The following PKHD1 variants were observed in gnomAD, a reference collection of about 807,000 sequenced individuals.
PKHD1 encodes fibrocystin.
Under a neutral mutation model 412.0 loss-of-function variants are expected in PKHD1, and 291 were observed. That is an observed-to-expected ratio of 0.71 (90% CI 0.64 to 0.78). The LOEUF is 0.78. Ranked by LOEUF, PKHD1 falls within the 30% of genes least tolerant of loss-of-function variation. The pLI is 0.00. For missense variants in PKHD1, 4,825 were observed against 4,950.7 expected (o/e 0.97, Z 0.76); for synonymous variants, 1,777 against 1,821.5 (o/e 0.98, Z 0.62).
Position 51,669,414 on chromosome 6 carries a change from G to C in PKHD1, c.10157-9445C>G, listed in dbSNP as rs551471295. 1.2e-4 allele frequency among the ~76,000 whole-genome samples: 18 copies of C among 151,684 alleles called. No homozygotes were observed. In the East Asian group the frequency reaches 3.1e-3, roughly 26 times the overall value. ...GATATCCCCTTTATCATTTTTTATTGCTTCTATTTGATTCTTCTCTCTTTT... is the reference window on the plus strand; with the variant it reads ...GATATCCCCTTTATCATTTTTTATTCCTTCTATTTGATTCTTCTCTCTTTT... On this transcript the variant is annotated intron_variant, in intron 60 of 66. Coordinates refer to ENST00000371117, the MANE Select transcript of PKHD1 (RefSeq NM_138694.4).
intron 66 of PKHD1, chr6:51,622,254 T>C (rs1561973709): frequency 6.6e-6 from 1 of 152,234 alleles, no homozygotes; most frequent in Non-Finnish European, 1.5e-5. Flanking sequence ...TTTTAAAATT[T>C]GTGTGGGTAC....
chr6:51,764,778 T>C (rs1308282313), intron 55 of PKHD1, among the ~76,000 whole-genome samples: 1 of 152,038 alleles, frequency 6.6e-6, no homozygotes, highest in East Asian at 1.9e-4. Flanking sequence ...ACTCTCCACA[T>C]CAACCATCAT....
At position 52,079,903 on chromosome 6, in the gene PKHD1, GA is replaced by G. The variant is rs781679449; in HGVS notation, c.386del (p.Phe129SerfsTer24). On this transcript the variant is annotated frameshift_variant, in exon 5 of 67. Transcript: ENST00000371117. LOFTEE classifies it high-confidence loss of function. ...PNPGPRDSCT[F>X]KFSKAQTPIV... ...TTCCTCCAGCCTTAGAACCCACCTTGAAAGTACAGCTATCTCGTGGTCCTGG... is the reference window on the plus strand; with the variant it reads ...TTCCTCCAGCCTTAGAACCCACCTTGAAGTACAGCTATCTCGTGGTCCTGG... 2 of 1,561,866 alleles carry G rather than the reference GA, an allele frequency of 1.3e-6. No homozygotes were observed. Among genetic ancestry groups the G allele is most frequent in the Non-Finnish European group, 1.8e-6 (2 of 1,132,536 alleles).
chr6:51,729,932 T>A (rs2150882496), intron 60 of PKHD1, among the ~76,000 whole-genome samples: 1 of 152,324 alleles, frequency 6.6e-6, no homozygotes, highest in South Asian at 2.1e-4. Flanking sequence ...ATTGCACATC[T>A]GGTTAGTGGA....
At position 52,055,592 on chromosome 6, in the gene PKHD1, T is replaced by C. The variant is rs1170759787; in HGVS notation, c.1831A>G (p.Thr611Ala). The C allele has an allele frequency of 1.2e-6, 2 of 1,613,862 alleles. No individual in the cohort carries two copies. Among genetic ancestry groups the C allele is most frequent in the African/African-American group, 1.3e-5 (1 of 74,904 alleles). Reference sequence around the variant, plus strand: ...GCACAAAGACTGCTACTCACGTGTGTATACTGATCTAGCCGATAGCCCTTC... The same window carrying C: ...GCACAAAGACTGCTACTCACGTGTGCATACTGATCTAGCCGATAGCCCTTC... ...AQKGYRLDQY[T>A]HLCLAYKGHM... Residue 611 changes from threonine to alanine, a missense_variant, in exon 19 of 67, where the codon ACA becomes GCA. Transcript: ENST00000371117.
chr6:51,918,585 A>C (rs915256290), intron 37 of PKHD1, among the ~76,000 whole-genome samples: 1 of 152,132 alleles, frequency 6.6e-6, no homozygotes, highest in Non-Finnish European at 1.5e-5. Context: ...TTCTTTATCC[A>C]GTCTATCATT....
At chr6:51,977,994 A>T (rs10948663) in intron 35 of PKHD1, among the ~76,000 whole-genome samples, 53,480 of 151,996 alleles carry the variant, frequency 0.35, 9,487 homozygotes, top group East Asian at 0.43. Flanking sequence ...CCCCGCAAAA[A>T]AATGGGCCAG....
chr6:51,939,104 G>A (rs931683535), intron 36 of PKHD1, among the ~76,000 whole-genome samples: 2 of 151,536 alleles, frequency 1.3e-5, no homozygotes, highest in Non-Finnish European at 3.0e-5. Flanking sequence ...ACGTGGGGAT[G>A]CCTGCCTTGG....
chr6:52,012,455 T>C (rs1029397433), intron 34 of PKHD1, among the ~76,000 whole-genome samples: 4 of 152,216 alleles, frequency 2.6e-5, no homozygotes, highest in Admixed American at 1.3e-4. Flanking sequence ...TAGCTGTAAA[T>C]CCATTCGCTG....
intron 52 of PKHD1, among the ~76,000 whole-genome samples, chr6:51,807,453 AAAAAAATAT>A (rs1401507766): frequency 0.015 from 652 of 42,820 alleles, 19 homozygotes; most frequent in African/African-American, 0.031. Context: ...AAAAAAAAAA[AAAAAAATAT>A]ATATATATAT....
intron 36 of PKHD1, among the ~76,000 whole-genome samples, chr6:51,956,716 C>T (rs1791203532): frequency 6.6e-6 from 1 of 152,028 alleles, no homozygotes; most frequent in Admixed American, 6.6e-5. Context: ...CCAGCAAGTC[C>T]TCCCAGATTA....
chr6:52,053,121 G>A lies in PKHD1; in HGVS notation c.2095C>T (p.Leu699=), dbSNP rs554137531. 4 of 1,614,166 alleles carry A rather than the reference G, an allele frequency of 2.5e-6. No homozygotes were observed. In the African/African-American group the frequency reaches 5.3e-5, roughly 22 times the overall value. ...ATAATAATTTCATCCACATAGAACA[G>A]GCCCGTCTCCTGGGCCAGAGGGAGA... The part of the protein sequence containing the change: ...NLLPLAQETG[L]FYVDEIIIAD... Residue 699 remains leucine (L), a synonymous_variant, in exon 21 of 67, where the codon CTG becomes TTG. Coordinates refer to ENST00000371117, the MANE Select transcript of PKHD1 (RefSeq NM_138694.4).
chr6:51,918,150 G>T (rs1017945841), intron 37 of PKHD1, among the ~76,000 whole-genome samples: 1 of 150,666 alleles, frequency 6.6e-6, no homozygotes, highest in Non-Finnish European at 1.5e-5. Context: ...ACCTTAAGTT[G>T]TATTTGAAAT....
chr6:51,836,134 A>T (rs1769166547), intron 51 of PKHD1, among the ~76,000 whole-genome samples: 1 of 152,228 alleles, frequency 6.6e-6, no homozygotes, highest in African/African-American at 2.4e-5. Flanking sequence ...TCCTATGTGC[A>T]CATATGGTCC....
At chr6:51,651,191 A>G (rs1044756882) in intron 61 of PKHD1, among the ~76,000 whole-genome samples, 2 of 152,200 alleles carry the variant, frequency 1.3e-5, no homozygotes, top group South Asian at 4.1e-4. Context: ...CTCTTGTTAA[A>G]TGTAAACAGC....
In PKHD1 at chr6:51,791,286, T is replaced by C. The variant is rs369941024; in HGVS notation, c.8390A>G (p.Asn2797Ser). 1.9e-6 allele frequency: 3 copies of C among 1,613,834 alleles called. No homozygotes were observed. The highest frequency in any genetic ancestry group is 1.3e-5 in the African/African-American group (1 of 74,918). Residue 2797 changes from asparagine to serine, a missense_variant, in exon 53 of 67, where the codon AAT (asparagine) becomes AGT (serine). By Grantham distance (46) the Asn-to-Ser change is conservative (BLOSUM62 1). Coordinates refer to ENST00000371117, the MANE Select transcript of PKHD1 (RefSeq NM_138694.4). ...GTLDFPVDRS[N>S]VLSVACMVIA... is the part of the protein sequence containing the mutation. ...GACCATGCATGCCACACTCAGAACA[T>C]TGCTTCTGTCCACAGGGAAGTCTAA...
At position 51,959,922 on chromosome 6, in the gene PKHD1, T is replaced by C. The variant is rs985097693; in HGVS notation, c.5856A>G (p.Gln1952=). 6.2e-7 allele frequency: 1 copy of C among 1,613,558 alleles called. No homozygotes were observed. The highest frequency in any genetic ancestry group is 1.1e-5 in the South Asian group (1 of 91,074). ...TTGTGTTAGTGTCCAGCAGAAGCAA[T>C]TGGCCATTCTCCACTGTGACGTTGT... is the stretch of plus-strand genomic sequence containing the variant. ...DGDNVTVENG[Q]LLLLDTNTSI... is the part of the protein sequence containing the mutation. The change falls in exon 36 of 67, where the codon CAA becomes CAG. Residue 1952 remains glutamine, a synonymous_variant. Coordinates refer to ENST00000371117, the MANE Select transcript of PKHD1 (RefSeq NM_138694.4).
At chr6:51,939,046 C>T (rs573238158) in intron 36 of PKHD1, among the ~76,000 whole-genome samples, 3 of 151,664 alleles carry the variant, frequency 2.0e-5, no homozygotes, top group Non-Finnish European at 3.0e-5. Flanking sequence ...TTTAATCATG[C>T]GGGGATGTCT....
chr6:51,982,189 G>T (rs1273051621), intron 35 of PKHD1, among the ~76,000 whole-genome samples: 1 of 46,078 alleles, frequency 2.2e-5, no homozygotes, highest in African/African-American at 7.2e-5. Context: ...GGGAGGTGGG[G>T]GGGTCAGCCC....
Sources: gnomAD v4.1 joint callset for allele counts (sites outside exome capture counted in the v4.1 genomes callset) on GRCh38, gnomAD v4.1.1 for gene constraint, MANE v1.5 for transcripts, NCBI Gene and HGNC (gene_info 2026-07-23, HGNC 2026-07-21) for gene names.